The following DPP6 variants were observed in gnomAD, a reference collection of about 807,000 sequenced individuals.
The protein encoded by DPP6 is A-type potassium channel modulatory protein DPP6.
Under a neutral mutation model 122.6 loss-of-function variants are expected in DPP6, and 69 were observed. The observed-to-expected ratio is 0.56, with a 90% confidence interval of 0.46 to 0.69. The LOEUF (loss-of-function observed/expected upper bound fraction) is 0.69. Among genes scored for constraint, DPP6 ranks in the 30% least tolerant of loss-of-function variants. The pLI, the probability that DPP6 is intolerant of heterozygous loss-of-function variation, is 0.00. For synonymous variants in DPP6, 418 were observed against 433.1 expected, an observed-to-expected ratio of 0.97 and a Z score of 0.43; for missense variants, 928 against 1,116.9, an observed-to-expected ratio of 0.83 and a Z score of 2.41.
At chr7:154,326,560 C>T (rs568797775) in intron 1 of DPP6, among the ~76,000 whole-genome samples, 15 of 152,282 alleles carry the variant, frequency 9.9e-5, no homozygotes, top group Middle Eastern at 3.4e-3. Context: ...CATCCTCATC[C>T]TAATTTACAC....
At chr7:154,302,296 C>T (rs1432954827) in intron 1 of DPP6, among the ~76,000 whole-genome samples, 1 of 152,186 alleles carries the variant, frequency 6.6e-6, no homozygotes, top group African/African-American at 2.4e-5. Context: ...TCTTCTGTGC[C>T]TGGCTCATTT....
In DPP6 at chr7:154,707,976, C is replaced by T. The variant is rs190911959; in HGVS notation, c.763-19791C>T. ...CAAACCATGTCATCCTCTATCCATC[C>T]GTTACAAGCCAGTATAACAAAAGGT... On this transcript the variant is annotated intron_variant, in intron 7 of 25. Transcript: ENST00000377770. Among the ~76,000 whole-genome samples the T allele has an allele frequency of 1.4e-3, 211 of 152,236 alleles. 1 individual carries two copies. Among genetic ancestry groups the T allele is most frequent in the African/African-American group, 4.9e-3 (203 of 41,532 alleles).
intron 3 of DPP6, among the ~76,000 whole-genome samples, chr7:154,506,598 C>T (rs1291278230): frequency 6.6e-6 from 1 of 152,074 alleles, no homozygotes; most frequent in Admixed American, 6.6e-5. Context: ...TAATGTGATA[C>T]TCAGTGTTTC....
chr7:154,020,853 G>A (rs910251148), intron 1 of DPP6, among the ~76,000 whole-genome samples: 3 of 152,140 alleles, frequency 2.0e-5, no homozygotes, highest in South Asian at 2.1e-4. Context: ...CTTGGTGGAA[G>A]GGGGAAGGCA....
intron 1 of DPP6, among the ~76,000 whole-genome samples, chr7:154,405,645 G>A (rs1328631418): frequency 6.6e-6 from 1 of 152,132 alleles, no homozygotes; most frequent in Non-Finnish European, 1.5e-5. Flanking sequence ...GGGCCAGGCA[G>A]TGTGAGGGGA....
chr7:154,622,305 C>T (rs1355967608), intron 5 of DPP6, among the ~76,000 whole-genome samples: 3 of 152,116 alleles, frequency 2.0e-5, no homozygotes, highest in African/African-American at 7.2e-5. Flanking sequence ...TTGACGGAAT[C>T]ACATATGCCA....
At chr7:154,845,516 C>T (rs1004200735) in intron 16 of DPP6, among the ~76,000 whole-genome samples, 3 of 152,056 alleles carry the variant, frequency 2.0e-5, no homozygotes, top group African/African-American at 7.2e-5. Context: ...ATGCAAATGT[C>T]AAGGGGGAAG....
intron 7 of DPP6, among the ~76,000 whole-genome samples, chr7:154,717,170 T>C (rs915983903): frequency 6.6e-6 from 1 of 152,202 alleles, no homozygotes; most frequent in Non-Finnish European, 1.5e-5. Flanking sequence ...TGTGTAATTA[T>C]CAAATTACAG....
intron 1 of DPP6, among the ~76,000 whole-genome samples, chr7:153,895,725 C>T (rs74537343): frequency 0.092 from 8,303 of 89,996 alleles, 296 homozygotes; most frequent in South Asian, 0.2. Flanking sequence ...CATGTGCATG[C>T]GTGCACACAC....
intron 4 of DPP6, among the ~76,000 whole-genome samples, chr7:154,561,869 C>A (rs191866869): frequency 3.9e-5 from 6 of 152,054 alleles, no homozygotes; most frequent in African/African-American, 9.7e-5. Context: ...TTGAAAGACA[C>A]AAAGTATTAC....
rs76205742 is a variant in DPP6 at position 153,926,059 on chromosome 7, G to A, written c.51+38325G>A. On this transcript the variant is annotated intron_variant, in intron 1 of 25. Coordinates refer to the DPP6 transcript ENST00000404039. ...ACAGTTCACCACAGCATCCTTCCAC[G>A]TCCTCTCTCCAGGTGAACTCAGAGA... Among the ~76,000 whole-genome samples the A allele has an allele frequency of 3.0e-3, 463 of 152,182 alleles. 1 individual carries two copies. The highest frequency in any genetic ancestry group is 0.01 in the Middle Eastern group (3 of 294).
In DPP6 at chr7:154,483,168, C is replaced by T. The variant is rs531236269; in HGVS notation, c.457+8131C>T. On this transcript the variant is annotated intron_variant, in intron 3 of 25. Coordinates refer to ENST00000377770, the MANE Select transcript of DPP6 (RefSeq NM_130797.4). The surrounding 1 kb of genome is among the most constrained non-coding windows in gnomAD (Gnocchi z 8.1). The stretch of plus-strand genomic sequence containing the variant: ...AGGCAGGAGGAGAACTTCTACCACG[C>T]CACGTCAAAGTCAAGGCAGGAGAAA... Among the ~76,000 whole-genome samples the T allele has an allele frequency of 2.0e-4, 31 of 151,960 alleles. No individual in the cohort carries two copies. In the South Asian group the frequency reaches 5.6e-3, roughly 28 times the overall value.
chr7:154,598,041 T>C (rs750103497), intron 5 of DPP6, among the ~76,000 whole-genome samples: 4 of 152,290 alleles, frequency 2.6e-5, no homozygotes, highest in Admixed American at 2.6e-4. Flanking sequence ...GTCCTGAGGA[T>C]AACGACTCCA....
intron 5 of DPP6, among the ~76,000 whole-genome samples, chr7:154,570,119 G>A (rs1177225653): frequency 2.0e-5 from 3 of 151,920 alleles, no homozygotes; most frequent in Non-Finnish European, 2.9e-5. Flanking sequence ...CATGAAATCA[G>A]CTGTCTTGGC....
At chr7:154,564,784 G>A (rs1830638098) in intron 4 of DPP6, among the ~76,000 whole-genome samples, 1 of 152,152 alleles carries the variant, frequency 6.6e-6, no homozygotes, top group African/African-American at 2.4e-5. Flanking sequence ...CAGCACTTTT[G>A]CCATCGTTCT....
chr7:154,716,748 T>A (rs572420160), intron 7 of DPP6, among the ~76,000 whole-genome samples: 86 of 152,060 alleles, frequency 5.7e-4, no homozygotes, highest in Middle Eastern at 3.4e-3. Context: ...ATGCCATTTT[T>A]AAAATTTTAT....
At position 154,624,293 on chromosome 7, in the gene DPP6, C is replaced by T. The variant is rs1053001131; in HGVS notation, c.628-13528C>T. 2.7e-5 allele frequency among the ~76,000 whole-genome samples: 4 copies of T among 150,190 alleles called. No homozygotes were observed. Among genetic ancestry groups the T allele is most frequent in the Non-Finnish European group, 5.9e-5 (4 of 67,786 alleles). On this transcript the variant is annotated intron_variant, in intron 5 of 25. Transcript: ENST00000377770. This position sits in a 1 kb window ranked among gnomAD's most constrained non-coding sequence, Gnocchi z 4.7. ...AGTGAGCCAAGATCACGTCACTGCACTCCAGCCAGGGCGACAGAGTGAGAC... is the reference window on the plus strand; with the variant it reads ...AGTGAGCCAAGATCACGTCACTGCATTCCAGCCAGGGCGACAGAGTGAGAC...
intron 4 of DPP6, among the ~76,000 whole-genome samples, chr7:154,546,917 A>G (rs1054994572): frequency 3.3e-5 from 5 of 152,176 alleles, no homozygotes; most frequent in African/African-American, 1.2e-4. Context: ...ACTTTATTCT[A>G]TGTCATTTAA....
chr7:154,142,598 G>A (rs185594056), intron 1 of DPP6, among the ~76,000 whole-genome samples: 123 of 152,202 alleles, frequency 8.1e-4, no homozygotes, highest in Middle Eastern at 3.4e-3. Context: ...ATGTTACTTA[G>A]TTCTGTTCTT....
Sources: allele counts gnomAD v4.1 joint callset (sites outside exome capture counted in the v4.1 genomes callset), GRCh38; gene constraint gnomAD v4.1.1; non-coding constraint Gnocchi (gnomAD v3.1); transcripts MANE v1.5; gene names NCBI Gene and HGNC (gene_info 2026-07-23, HGNC 2026-07-21).